Variants in EML4 observed in about 807,000 individuals in gnomAD.
EML4 encodes echinoderm microtubule-associated protein-like 4.
In EML4, 72 loss-of-function variants were observed where a neutral mutation model predicts 129.0. The ratio of observed to expected loss-of-function variants is 0.56; its 90% CI spans 0.46 to 0.68. The LOEUF is 0.68. Among genes scored for constraint, EML4 ranks in the 30% least tolerant of loss-of-function variants. The probability of loss-of-function intolerance (pLI) is 0.00; values close to 1 mark genes in which losing one functional copy is unlikely to be tolerated. For synonymous variants in EML4, 532 were observed against 405.0 expected, an observed-to-expected ratio of 1.31 and a Z score of -3.77; for missense variants, 1,363 against 1,190.6, an observed-to-expected ratio of 1.14 and a Z score of -2.13.
At chr2:42,235,800 A>T (rs906425081) in intron 1 of EML4, among the ~76,000 whole-genome samples, 4 of 152,176 alleles carry the variant, frequency 2.6e-5, no homozygotes, top group African/African-American at 9.6e-5. Context: ...ACCATCTAGT[A>T]TAGTTGTTTT....
intron 13 of EML4, among the ~76,000 whole-genome samples, chr2:42,299,496 C>T (rs1218438353): frequency 6.6e-6 from 1 of 152,150 alleles, no homozygotes; most frequent in African/African-American, 2.4e-5. Flanking sequence ...AGGACATTTT[C>T]ATCACCCCAA....
At chr2:42,324,549 G>A (rs2103823309) in intron 19 of EML4, among the ~76,000 whole-genome samples, 1 of 152,324 alleles carries the variant, frequency 6.6e-6, no homozygotes, top group Admixed American at 6.5e-5. Context: ...GCCCAGTGGG[G>A]TCAAGGCTGC....
At position 42,206,162 on chromosome 2, in the gene EML4, T is replaced by C. The variant is rs1390660228; in HGVS notation, c.25+36526T>C. Among the ~76,000 whole-genome samples, 8 of 152,212 alleles carry C rather than the reference T, an allele frequency of 5.3e-5. No homozygotes were observed. The East Asian group carries it at 1.5e-3, about 29-fold the overall frequency. On this transcript the variant is annotated intron_variant, in intron 1 of 22. Transcript: ENST00000318522. Reference sequence around the variant, plus strand: ...TTCACAAATTTGTTCCATATAGCATTCCCCCCCTCTGGTCCAATCCAGAAT... The same window carrying C: ...TTCACAAATTTGTTCCATATAGCATCCCCCCCCTCTGGTCCAATCCAGAAT...
At chr2:42,245,255 T>C (rs935604910) in intron 1 of EML4, among the ~76,000 whole-genome samples, 3 of 151,624 alleles carry the variant, frequency 2.0e-5, no homozygotes, top group African/African-American at 7.3e-5. Flanking sequence ...TCATCATGCC[T>C]GGCTAATTTT....
intron 13 of EML4, among the ~76,000 whole-genome samples, chr2:42,300,841 T>C (rs1307319684): frequency 6.6e-6 from 1 of 152,182 alleles, no homozygotes; most frequent in Admixed American, 6.5e-5. Flanking sequence ...TCCCCTAAGC[T>C]GCTCCTGTAC....
chr2:42,270,957 A>G (rs1469738303), intron 6 of EML4, among the ~76,000 whole-genome samples: 2 of 152,216 alleles, frequency 1.3e-5, no homozygotes, highest in African/African-American at 4.8e-5. Context: ...ATGCTGTAGA[A>G]TGATCACAGC....
intron 1 of EML4, among the ~76,000 whole-genome samples, chr2:42,188,083 AG>A (rs1671367022): frequency 6.6e-6 from 1 of 152,192 alleles, no homozygotes; most frequent in Non-Finnish European, 1.5e-5. Context: ...CTAATCGGAA[AG>A]ATTAGCCTTT....
At position 42,189,485 on chromosome 2, in the gene EML4, C is replaced by G. The variant is rs78495401; in HGVS notation, c.25+19849C>G. 9.3e-3 allele frequency among the ~76,000 whole-genome samples: 1,413 copies of G among 152,250 alleles called. 18 individuals are homozygous for G. The highest frequency in any genetic ancestry group is 0.032 in the African/African-American group (1,343 of 41,544). ...GTCCCTGTTACTTGGGAGGCCAAGACGAGAGGATTGCATGAGACCAGGAGT... is the reference window on the plus strand; with the variant it reads ...GTCCCTGTTACTTGGGAGGCCAAGAGGAGAGGATTGCATGAGACCAGGAGT... On this transcript the variant is annotated intron_variant, in intron 1 of 22. Transcript: ENST00000318522.
intron 1 of EML4, among the ~76,000 whole-genome samples, chr2:42,232,409 G>A (rs56267702): frequency 3.3e-5 from 5 of 152,148 alleles, no homozygotes; most frequent in Admixed American, 2.0e-4. Context: ...TTGTAAAGAA[G>A]AGTATAGTTG....
chr2:42,187,615 C>G (rs1671336167), intron 1 of EML4, among the ~76,000 whole-genome samples: 1 of 152,072 alleles, frequency 6.6e-6, no homozygotes, highest in South Asian at 2.1e-4. Flanking sequence ...CTTTCAGGCC[C>G]TAGCAACCAT....
chr2:42,209,954 A>G (rs1423325562), intron 1 of EML4, among the ~76,000 whole-genome samples: 2 of 152,048 alleles, frequency 1.3e-5, no homozygotes, highest in Non-Finnish European at 2.9e-5. Context: ...AAACAAACAA[A>G]CAAACAAAAA....
At chr2:42,264,949 A>G (rs759113982) in intron 6 of EML4, 7 of 1,550,470 alleles carry the variant, frequency 4.5e-6, no homozygotes, top group Non-Finnish European at 6.1e-6. Context: ...AAAAACAGCC[A>G]AGGTAAGAAT....
At chr2:42,282,436 T>A (rs1667064617) in intron 7 of EML4, among the ~76,000 whole-genome samples, 1 of 152,144 alleles carries the variant, frequency 6.6e-6, no homozygotes, top group African/African-American at 2.4e-5. Flanking sequence ...TGGCCCAGGC[T>A]GGAGTGCAGT....
At chr2:42,315,136 T>C (rs2103784259) in intron 17 of EML4, among the ~76,000 whole-genome samples, 1 of 152,338 alleles carries the variant, frequency 6.6e-6, no homozygotes, top group African/African-American at 2.4e-5. Flanking sequence ...CCTCCTTAGC[T>C]ATACAGCTGC....
At position 42,261,104 on chromosome 2, in the gene EML4, T is replaced by C; in HGVS notation, c.339-17T>C. ...TGTTTAAATGTGTATTGTTCCATGT[T>C]ATACTTTATTTTACAGTGGTACAGA... On this transcript the variant is annotated splice_polypyrimidine_tract_variant and intron_variant, in intron 3 of 22. Transcript: ENST00000318522. 2.5e-6 allele frequency: 4 copies of C among 1,572,000 alleles called. No homozygotes were observed. The highest frequency in any genetic ancestry group is 3.5e-6 in the Non-Finnish European group (4 of 1,152,738).
At chr2:42,225,990 A>G (rs971850757) in intron 1 of EML4, among the ~76,000 whole-genome samples, 1 of 151,986 alleles carries the variant, frequency 6.6e-6, no homozygotes, top group African/African-American at 2.4e-5. Flanking sequence ...TTTATTTTTA[A>G]GGAAATAATG....
chr2:42,257,948 G>T (rs1665448491), intron 3 of EML4, among the ~76,000 whole-genome samples: 1 of 152,038 alleles, frequency 6.6e-6, no homozygotes, highest in Non-Finnish European at 1.5e-5. Context: ...ACTCCACTTT[G>T]AGTAGAAAAA....
chr2:42,256,040 TAAAGG>T (rs1286458835), intron 2 of EML4, among the ~76,000 whole-genome samples: 2 of 152,238 alleles, frequency 1.3e-5, no homozygotes, highest in Admixed American at 6.5e-5. Context: ...CTGTGTAAGT[TAAAGG>T]AGAGGTTAAC....
At chr2:42,188,030 C>T (rs1048232002) in intron 1 of EML4, among the ~76,000 whole-genome samples, 3 of 152,068 alleles carry the variant, frequency 2.0e-5, no homozygotes, top group Non-Finnish European at 4.4e-5. Context: ...AGTCAAGTTT[C>T]GTTTATTTGC....
Sources: allele counts gnomAD v4.1 joint callset (sites outside exome capture counted in the v4.1 genomes callset), GRCh38; gene constraint gnomAD v4.1.1; transcripts MANE v1.5; gene names NCBI Gene and HGNC (gene_info 2026-07-23, HGNC 2026-07-21).